Variants in HNMT observed in about 807,000 individuals in gnomAD.
The protein encoded by HNMT is histamine N-methyltransferase.
In HNMT, 30 loss-of-function variants were observed where a neutral mutation model predicts 32.1. The ratio of observed to expected loss-of-function variants is 0.93; its 90% CI spans 0.70 to 1.27. The LOEUF (loss-of-function observed/expected upper bound fraction) is 1.27, where lower values mean the gene tolerates loss of function less well. Ranked by LOEUF, HNMT falls within the 50% of genes most tolerant of loss-of-function variation. The probability of loss-of-function intolerance (pLI) is 0.00; values close to 1 mark genes in which losing one functional copy is unlikely to be tolerated. For synonymous variants in HNMT, 125 were observed against 119.0 expected (o/e 1.05, Z -0.33); for missense variants, 327 against 346.0 (o/e 0.95, Z 0.43).
At chr2:137,967,893 T>C (rs529547637) in intron 1 of HNMT, among the ~76,000 whole-genome samples, 6 of 152,172 alleles carry the variant, frequency 3.9e-5, no homozygotes, top group African/African-American at 1.4e-4. Flanking sequence ...TCTTTCCATC[T>C]CTGTTTCTTA....
At chr2:138,001,069 A>C (rs889455975) in intron 3 of HNMT, 44 bp downstream of exon 3, 6 of 974,126 alleles carry the variant, frequency 6.2e-6, no homozygotes, top group Non-Finnish European at 7.9e-6. Context: ...CTATCCCAAA[A>C]GACTTAACTC....
intron 2 of HNMT, among the ~76,000 whole-genome samples, chr2:137,974,638 T>C (rs1680234216): frequency 6.6e-6 from 1 of 152,224 alleles, no homozygotes; most frequent in East Asian, 1.9e-4. Context: ...TTGGTTCTTA[T>C]GTTCAAATGC....
intron 2 of HNMT, among the ~76,000 whole-genome samples, chr2:137,974,355 C>T (rs1680224435): frequency 1.3e-5 from 2 of 152,106 alleles, no homozygotes; most frequent in Non-Finnish European, 2.9e-5. Flanking sequence ...TCTCATAGAA[C>T]ATGCTTCTGG....
At chr2:138,003,161 C>T (rs930475280) in intron 4 of HNMT, among the ~76,000 whole-genome samples, 1 of 150,158 alleles carries the variant, frequency 6.7e-6, no homozygotes, top group African/African-American at 2.5e-5. Context: ...GTGCAGCGCA[C>T]CAGCATGGCA....
At chr2:138,006,468 T>C (rs1681334404) in intron 5 of HNMT, among the ~76,000 whole-genome samples, 1 of 152,032 alleles carries the variant, frequency 6.6e-6, no homozygotes, top group Non-Finnish European at 1.5e-5. Context: ...TTCTAACATA[T>C]TTTCAGAAAT....
chr2:138,002,174 G>A lies in HNMT; in HGVS notation c.409G>A (p.Asp137Asn). ...GGAGAAAAAGGAGCTTCAAAAGTGG[G>A]ACTTTATTCATATGATTCAAGTAAG... ...MLEKKELQKW[D>N]FIHMIQMLYY... The change falls in exon 4 of 6, where the codon GAC (aspartate) becomes AAC (asparagine). Residue 137 changes from aspartate (D) to asparagine (N), a missense_variant. Coordinates refer to ENST00000280097, the MANE Select transcript of HNMT (RefSeq NM_006895.3). The A allele has an allele frequency of 6.3e-7, 1 of 1,579,794 alleles. No homozygotes were observed. The highest frequency in any genetic ancestry group is 8.7e-7 in the Non-Finnish European group (1 of 1,155,160).
Position 138,013,960 on chromosome 2 carries a change from G to A in HNMT, c.709G>A (p.Gly237Arg). The change falls in exon 6 of 6, where the codon GGA becomes AGA. Residue 237 changes from glycine (G) to arginine (R), a missense_variant. By Grantham distance (125) the Gly-to-Arg change is moderately radical (BLOSUM62 -2). Transcript: ENST00000280097. ...CTGCTTTATTGATGGTAATGAAAAT[G>A]GAGACCTGCTTTGGGATTTTTTGAC... Reference protein sequence around the residue: ...SDCFIDGNENGDLLWDFLTET... With the variant: ...SDCFIDGNENRDLLWDFLTET... The A allele has an allele frequency of 6.2e-7, 1 of 1,613,800 alleles. No individual in the cohort carries two copies. Among genetic ancestry groups the A allele is most frequent in the Non-Finnish European group, 8.5e-7 (1 of 1,179,834 alleles).
At chr2:137,993,468 AG>A (rs1407485435) in intron 2 of HNMT, among the ~76,000 whole-genome samples, 1 of 152,198 alleles carries the variant, frequency 6.6e-6, no homozygotes, top group Non-Finnish European at 1.5e-5. Flanking sequence ...TCTGAAGACA[AG>A]ACTAGAGAAA....
At chr2:137,983,011 G>A (rs1283909825) in intron 2 of HNMT, among the ~76,000 whole-genome samples, 2 of 152,146 alleles carry the variant, frequency 1.3e-5, no homozygotes, top group East Asian at 3.9e-4. Flanking sequence ...ATAGACGGTG[G>A]AGCCGATCTC....
At chr2:138,003,541 C>T (rs1681245083) in intron 4 of HNMT, among the ~76,000 whole-genome samples, 1 of 152,100 alleles carries the variant, frequency 6.6e-6, no homozygotes, top group Non-Finnish European at 1.5e-5. Flanking sequence ...AAATCTTTTG[C>T]CTGTCAGGTA....
chr2:137,990,276 C>G (rs761959787), intron 2 of HNMT, among the ~76,000 whole-genome samples: 6 of 152,080 alleles, frequency 3.9e-5, no homozygotes, highest in Non-Finnish European at 8.8e-5. Flanking sequence ...ATGTAAGGTC[C>G]TTGTCTAGAT....
At chr2:138,005,067 C>T in intron 4 of HNMT, 65 bp from the exon 5 acceptor site, 1 of 870,284 alleles carries the variant, frequency 1.1e-6, no homozygotes, top group South Asian at 1.5e-5. Context: ...CTAGGAGTAT[C>T]TAGCCCAAGC....
At chr2:138,000,798 T>G in intron 2 of HNMT, 120 bp from the exon 3 acceptor site, 1 of 533,550 alleles carries the variant, frequency 1.9e-6, no homozygotes, top group Non-Finnish European at 3.3e-6. Flanking sequence ...AGTTGAACAT[T>G]ATTCTTTATT....
chr2:138,005,717 C>A (rs2604470), intron 5 of HNMT, among the ~76,000 whole-genome samples: 35,249 of 151,736 alleles, frequency 0.23, 4,312 homozygotes, highest in South Asian at 0.3. Context: ...AAAAACAGTT[C>A]ATTTGTTTTG....
intron 5 of HNMT, among the ~76,000 whole-genome samples, chr2:138,010,976 A>T (rs1436105974): frequency 6.6e-6 from 1 of 151,942 alleles, no homozygotes; most frequent in African/African-American, 2.4e-5. Flanking sequence ...CTGAGTAAGG[A>T]AGGAGGAAAA....
chr2:137,970,641 C>T lies in HNMT; in HGVS notation c.190+424C>T, dbSNP rs181386255. Among the ~76,000 whole-genome samples, 116 of 152,136 alleles carry T rather than the reference C, an allele frequency of 7.6e-4. 2 individuals carry two copies. The East Asian group carries it at 0.019, about 25-fold the overall frequency. On this transcript the variant is annotated intron_variant, in intron 2 of 5. Transcript: ENST00000280097. The stretch of plus-strand genomic sequence containing the variant: ...GAAGATCTGAAATGTGCACAGGAGG[C>T]TGGGCGCGGTGGCTCACGCCTGTAA...
intron 5 of HNMT, among the ~76,000 whole-genome samples, chr2:138,005,949 C>A (rs1190974946): frequency 6.6e-6 from 1 of 151,930 alleles, no homozygotes; most frequent in Admixed American, 6.6e-5. Context: ...ACTCTGTCTT[C>A]CTAAGGTTAC....
rs1334106077 is a variant in HNMT at position 138,015,370 on chromosome 2, G to C, written c.*1240G>C. 6.6e-6 allele frequency: 1 copy of C among 151,990 alleles called. No individual in the cohort carries two copies. Among genetic ancestry groups the C allele is most frequent in the Non-Finnish European group, 1.5e-5 (1 of 67,996 alleles). 9.4% of individuals were successfully genotyped at this position (151,990 alleles called of 1,614,324 possible). Reference sequence around the variant, plus strand: ...TGCCAGTGAGGAAGCCTTCAACCCCGTGTGATACTCACTCTTTCATGCAAT... The same window carrying C: ...TGCCAGTGAGGAAGCCTTCAACCCCCTGTGATACTCACTCTTTCATGCAAT... On this transcript the variant is annotated 3_prime_UTR_variant, in exon 6 of 6. Coordinates refer to ENST00000280097, the MANE Select transcript of HNMT (RefSeq NM_006895.3).
chr2:137,977,902 C>T (rs776949162), intron 2 of HNMT, among the ~76,000 whole-genome samples: 61 of 151,998 alleles, frequency 4.0e-4, no homozygotes, highest in Non-Finnish European at 8.1e-4. Context: ...GTGCTTTCTC[C>T]TGGATATCCC....
Sources: gnomAD v4.1 joint callset for allele counts (sites outside exome capture counted in the v4.1 genomes callset) on GRCh38, gnomAD v4.1.1 for gene constraint, MANE v1.5 for transcripts, NCBI Gene and HGNC (gene_info 2026-07-23, HGNC 2026-07-21) for gene names.